The following NAV3 variants were observed in gnomAD, a reference collection of about 807,000 sequenced individuals.
NAV3 encodes neuron navigator 3.
A neutral mutation model predicts 244.7 loss-of-function variants in NAV3; 87 were observed. That is an observed-to-expected ratio of 0.36 (90% confidence interval 0.30 to 0.42). NAV3 has a LOEUF of 0.42. NAV3 is among the 20% of genes least tolerant of loss of function. The pLI is 1.00. For synonymous variants in NAV3, 1,126 were observed against 1,042.2 expected (o/e 1.08, Z -1.55); for missense variants, 2,663 against 2,893.3 (o/e 0.92, Z 1.83).
chr12:77,936,569 A>G (rs1356240153), intron 1 of NAV3, among the ~76,000 whole-genome samples: 2 of 152,200 alleles, frequency 1.3e-5, no homozygotes, highest in Non-Finnish European at 2.9e-5. Flanking sequence ...TTCACTAAAA[A>G]AACTATAATT....
intron 2 of NAV3, among the ~76,000 whole-genome samples, chr12:77,750,696 T>C (rs1188155785): frequency 6.6e-6 from 1 of 152,150 alleles, no homozygotes; most frequent in Non-Finnish European, 1.5e-5. Context: ...GAAGTGGATT[T>C]TAATAATTGT....
chr12:77,607,198 A>C (rs1870706965), intron 2 of NAV3, among the ~76,000 whole-genome samples: 1 of 152,124 alleles, frequency 6.6e-6, no homozygotes, highest in Non-Finnish European at 1.5e-5. Flanking sequence ...TGTTGGTAAT[A>C]ACACTGGCTG....
rs78406893 is a variant in NAV3 at position 77,944,869 on chromosome 12, C to T, written c.414+3736C>T. 6.0e-3 allele frequency among the ~76,000 whole-genome samples: 917 copies of T among 152,186 alleles called. 12 individuals carry two copies. The highest frequency in any genetic ancestry group is 0.02 in the African/African-American group (847 of 41,528). ...AGATGCAGTAGCTGAAGCTCTAATA[C>T]GTGGACTACCCCAGCAAGTCAGGGC... On this transcript the variant is annotated intron_variant, in intron 3 of 39. Transcript: ENST00000397909.
chr12:77,640,232 CAT>C (rs1295631743), intron 2 of NAV3, among the ~76,000 whole-genome samples: 1 of 151,950 alleles, frequency 6.6e-6, no homozygotes, highest in African/African-American at 2.4e-5. Context: ...ATCACAGAGA[CAT>C]ACAGCAGAGA....
In NAV3 at chr12:77,921,237, A is replaced by C. The variant is rs1348944957; in HGVS notation, c.244-19082A>C. 2.0e-5 allele frequency among the ~76,000 whole-genome samples: 3 copies of C among 152,130 alleles called. No homozygotes were observed. In the East Asian group the frequency reaches 5.8e-4, roughly 29 times the overall value. ...ATATTCAAGATATGAAATTCTAAAA[A>C]TGTTAATATTTACTCAAATTTTAAC... On this transcript the variant is annotated intron_variant, in intron 1 of 39. Transcript: ENST00000397909.
chr12:78,159,163 T>C (rs1435069790), intron 22 of NAV3, 40 bp from the exon 23 acceptor site: 1 of 1,558,826 alleles, frequency 6.4e-7, no homozygotes, highest in African/African-American at 1.4e-5. Context: ...CCACATAAGA[T>C]TCTGACATTT....
chr12:77,640,695 C>T (rs1377205589), intron 2 of NAV3, among the ~76,000 whole-genome samples: 6 of 152,058 alleles, frequency 3.9e-5, no homozygotes, highest in Non-Finnish European at 7.4e-5. Flanking sequence ...ATTTTATGTG[C>T]TCTTATCACA....
chr12:77,927,838 T>C lies in NAV3; in HGVS notation c.244-12481T>C, dbSNP rs1159928119. On this transcript the variant is annotated intron_variant, in intron 1 of 39. Coordinates refer to ENST00000397909, the MANE Select transcript of NAV3 (RefSeq NM_001024383.2). The stretch of plus-strand genomic sequence containing the variant: ...TAAGACCGGGTAGCTGGTTCTTCAT[T>C]ATGTATTTTATTTCTGCCAGAGTGT... Among the ~76,000 whole-genome samples the C allele has an allele frequency of 2.6e-5, 4 of 152,154 alleles. No homozygotes were observed. The South Asian group carries it at 6.2e-4, about 24-fold the overall frequency.
chr12:77,658,062 C>A (rs1352200593), intron 2 of NAV3, among the ~76,000 whole-genome samples: 1 of 150,664 alleles, frequency 6.6e-6, no homozygotes, highest in Non-Finnish European at 1.5e-5. Context: ...CAGGGATGCC[C>A]TCTCTCACCA....
chr12:77,912,340 A>G (rs912812778), intron 1 of NAV3, among the ~76,000 whole-genome samples: 36 of 152,138 alleles, frequency 2.4e-4, no homozygotes, highest in African/African-American at 8.7e-4. Context: ...CCATGTGTCT[A>G]CAGGCCAAGA....
At chr12:78,112,563 T>G (rs1394948476) in intron 12 of NAV3, among the ~76,000 whole-genome samples, 1 of 152,106 alleles carries the variant, frequency 6.6e-6, no homozygotes, top group African/African-American at 2.4e-5. Flanking sequence ...GAAAAACCCC[T>G]TATAAAACTA....
intron 2 of NAV3, among the ~76,000 whole-genome samples, chr12:77,682,200 G>C (rs575801158): frequency 3.9e-5 from 6 of 152,004 alleles, no homozygotes; most frequent in African/African-American, 1.4e-4. Context: ...TTTACTCTCT[G>C]TTTCTATAAG....
At chr12:77,909,467 C>G (rs962943726) in intron 1 of NAV3, among the ~76,000 whole-genome samples, 1 of 151,768 alleles carries the variant, frequency 6.6e-6, no homozygotes, top group Non-Finnish European at 1.5e-5. Context: ...AGAAAAGAAA[C>G]AGTATGTTAT....
At chr12:77,787,363 G>T (rs1164443904) in intron 2 of NAV3, among the ~76,000 whole-genome samples, 2 of 152,114 alleles carry the variant, frequency 1.3e-5, no homozygotes, top group Admixed American at 6.6e-5. Flanking sequence ...CTGTTCTCAT[G>T]CCGCTAATAA....
intron 1 of NAV3, among the ~76,000 whole-genome samples, chr12:77,917,634 C>T (rs1048174854): frequency 1.3e-5 from 2 of 151,886 alleles, no homozygotes; most frequent in Non-Finnish European, 2.9e-5. Context: ...CTCTTGAAAG[C>T]TATATTTTAA....
At chr12:77,777,588 C>T (rs1215143172) in intron 2 of NAV3, among the ~76,000 whole-genome samples, 1 of 152,120 alleles carries the variant, frequency 6.6e-6, no homozygotes, top group Admixed American at 6.5e-5. Flanking sequence ...TTGTAATTTT[C>T]TGTTTAAGAT....
At chr12:78,177,521 A>T in intron 27 of NAV3, 99 bp from the exon 28 acceptor site, 1 of 1,221,144 alleles carries the variant, frequency 8.2e-7, no homozygotes, top group Admixed American at 2.4e-5. Context: ...TTAGAATTCA[A>T]GTGTTTCTTG....
At chr12:77,958,276 G>C (rs995289651) in intron 3 of NAV3, among the ~76,000 whole-genome samples, 2 of 152,106 alleles carry the variant, frequency 1.3e-5, no homozygotes, top group African/African-American at 2.4e-5. Context: ...ATAATTCAGT[G>C]CTCTTTAGAA....
intron 1 of NAV3, among the ~76,000 whole-genome samples, chr12:77,890,265 AT>A (rs1158170127): frequency 1.3e-5 from 2 of 151,638 alleles, no homozygotes; most frequent in East Asian, 3.9e-4. Flanking sequence ...CTGGCTTTTT[AT>A]TTTTATTTTT....
Sources: allele counts gnomAD v4.1 joint callset (sites outside exome capture counted in the v4.1 genomes callset), GRCh38; gene constraint gnomAD v4.1.1; transcripts MANE v1.5; gene names NCBI Gene and HGNC (gene_info 2026-07-23, HGNC 2026-07-21).